LRRC37B: variants seen among roughly 807,000 people sequenced by gnomAD.
LRRC37B encodes leucine-rich repeat-containing protein 37B.
LRRC37B carries 28 observed loss-of-function variants against 98.3 expected under a neutral mutation model. The ratio of observed to expected loss-of-function variants is 0.28; its 90% CI spans 0.21 to 0.39. LRRC37B has a LOEUF of 0.39. Among genes scored for constraint, LRRC37B ranks in the 10% least tolerant of loss-of-function variants. LRRC37B has a pLI of 1.00. For missense variants in LRRC37B, 938 were observed against 1,182.7 expected (o/e 0.79, Z 3.03); for synonymous variants, 364 against 442.7 (o/e 0.82, Z 2.23).
intron 1 of LRRC37B, among the ~76,000 whole-genome samples, chr17:32,013,741 T>G (rs1278836327): frequency 6.6e-6 from 1 of 152,094 alleles, no homozygotes; most frequent in Non-Finnish European, 1.5e-5. Flanking sequence ...TGTGTATCTA[T>G]ATACACTTTC....
intron 11 of LRRC37B, chr17:32,051,109 A>G (rs1911743521): frequency 6.6e-6 from 1 of 152,154 alleles, no homozygotes; most frequent in African/African-American, 2.4e-5. Flanking sequence ...GTCCATCTAC[A>G]ATGCCCTTAT....
At chr17:32,020,392 C>T (rs946453453), upstream of LRRC37B, among the ~76,000 whole-genome samples, 4 of 150,628 alleles carry the variant, frequency 2.7e-5, no homozygotes, top group African/African-American at 7.4e-5. Context: ...TGAAGGGTGG[C>T]GCTGTAACTT....
At chr17:32,045,375 C>G (rs1031470441) in intron 7 of LRRC37B, 1 of 251,506 alleles carries the variant, frequency 4.0e-6, no homozygotes, top group African/African-American at 2.2e-5. Flanking sequence ...TCTTAGAAGT[C>G]TACCTTCTTC....
Position 32,047,854 on chromosome 17 carries a change from C to T in LRRC37B, c.2417C>T (p.Ser806Leu), listed in dbSNP as rs200220556. ...ATGAGCACTCAGCTGACTATTGAGT[C>T]GGAGGCGCCCTCAGACAGCAGTGGC... Residue 806 changes from serine (S) to leucine (L), a missense_variant, in exon 9 of 12, where the codon TCG (serine) becomes TTG (leucine). This residue lies in a region of LRRC37B where 328 missense variants were observed against 557.0 expected (regional missense o/e 0.59). Transcript: ENST00000327564. The T allele has an allele frequency of 4.5e-4, 729 of 1,614,096 alleles. No homozygotes were observed. The highest frequency in any genetic ancestry group is 8.0e-4 in the Admixed American group (48 of 60,020).
intron 7 of LRRC37B, chr17:32,036,266 G>GCTA (rs1000179219): frequency 1.3e-5 from 2 of 152,348 alleles, no homozygotes; most frequent in African/African-American, 4.8e-5. Context: ...CTCCCAAAGT[G>GCTA]CTAGGTGTGA....
chr17:32,048,969 G>C, intron 9 of LRRC37B, 133 bp from the exon 13 acceptor site: 1 of 1,505,078 alleles, frequency 6.6e-7, no homozygotes, highest in Non-Finnish European at 9.2e-7. Flanking sequence ...TCCTGAGGCA[G>C]TTTCCGCTGG....
intron 2 of LRRC37B, among the ~76,000 whole-genome samples, chr17:32,026,159 C>G (rs1355660462): frequency 6.6e-6 from 1 of 152,196 alleles, no homozygotes; most frequent in Non-Finnish European, 1.5e-5. Context: ...TTTTTCACAA[C>G]AGTTTGTGTC....
intron 1 of LRRC37B, among the ~76,000 whole-genome samples, chr17:32,011,390 G>C (rs1910523065): frequency 6.6e-6 from 1 of 152,020 alleles, no homozygotes; most frequent in African/African-American, 2.4e-5. Flanking sequence ...ATAGAGATGA[G>C]GTCTCACTAT....
exon 6 of LRRC37B, chr17:32,034,940 C>T (rs778672204): frequency 6.8e-6 from 11 of 1,611,652 alleles, no homozygotes; most frequent in African/African-American, 5.3e-5. Flanking sequence ...TGACTACTGT[C>T]GAAGATCCAT....
chr17:32,031,656 G>A (rs928480711), intron 5 of LRRC37B, among the ~76,000 whole-genome samples, 198 bp downstream of exon 8: 81 of 151,774 alleles, frequency 5.3e-4, no homozygotes, highest in Non-Finnish European at 2.1e-4. Flanking sequence ...TGCTCTGCTT[G>A]TCCTAGTTCT....
chr17:32,027,674 A>G (rs1156571924), intron 2 of LRRC37B, 95 bp from the exon 6 acceptor site: 3 of 1,129,204 alleles, frequency 2.7e-6, no homozygotes, highest in South Asian at 1.3e-5. Context: ...TGAAATGACC[A>G]TGACCCAGCT....
intron 7 of LRRC37B, chr17:32,040,106 A>T (rs1438519137): frequency 6.5e-6 from 1 of 153,772 alleles, no homozygotes; most frequent in African/African-American, 2.4e-5. Context: ...TGAGGAGTTT[A>T]CACATTTATC....
In LRRC37B at chr17:32,043,985, A is replaced by G. The variant is rs528224985; in HGVS notation, c.2205-1715A>G. Among the ~76,000 whole-genome samples, 25 of 151,692 alleles carry G rather than the reference A, an allele frequency of 1.6e-4. No individual in the cohort carries two copies. The South Asian group carries it at 4.2e-3, about 26-fold the overall frequency. On this transcript the variant is annotated intron_variant, in intron 7 of 11. Transcript: ENST00000327564. ...GGGATTCATTTAATCCTCAAAACTC[A>G]TTTGAGGTAGGTACTATTATAATGA...
intron 11 of LRRC37B, chr17:32,051,696 G>A (rs1911766454): frequency 6.6e-6 from 1 of 152,108 alleles, no homozygotes; most frequent in African/African-American, 2.4e-5. Flanking sequence ...GCGAGACCTT[G>A]TCTCAAAAAC....
At chr17:32,035,906 A>T (rs1344997463) in intron 7 of LRRC37B, 3 of 314,030 alleles carry the variant, frequency 9.6e-6, no homozygotes, top group Non-Finnish European at 1.8e-5. Flanking sequence ...TTAGCTACTA[A>T]TCTGATTTCT....
intron 7 of LRRC37B, among the ~76,000 whole-genome samples, chr17:32,038,687 A>G (rs1006832727): frequency 2.6e-5 from 4 of 152,044 alleles, no homozygotes; most frequent in South Asian, 2.1e-4. Flanking sequence ...CAAAACCCCA[A>G]TCTCCACTAA....
chr17:32,037,300 A>G (rs1350561606), intron 7 of LRRC37B, among the ~76,000 whole-genome samples: 3 of 150,550 alleles, frequency 2.0e-5, no homozygotes, highest in Non-Finnish European at 4.4e-5. Context: ...TTTTTTTGAG[A>G]CAGAGTCATT....
intron 8 of LRRC37B, 70 bp downstream of exon 11, chr17:32,045,888 AATTG>A (rs753673042): frequency 1.1e-4 from 168 of 1,463,006 alleles, no homozygotes; most frequent in Admixed American, 1.7e-4. Flanking sequence ...TTTTATTTTT[AATTG>A]ATGAAATTTT....
intron 11 of LRRC37B, 152 bp from the exon 15 acceptor site, chr17:32,053,114 T>A: frequency 1.5e-6 from 1 of 653,478 alleles, no homozygotes; most frequent in East Asian, 2.9e-5. Context: ...TGTGGAAGAA[T>A]CAAAGCACTG....
Sources: allele counts gnomAD v4.1 joint callset (sites outside exome capture counted in the v4.1 genomes callset), GRCh38; gene constraint gnomAD v4.1.1; regional missense constraint gnomAD v4.1.1; transcripts MANE v1.5; gene names NCBI Gene and HGNC (gene_info 2026-07-23, HGNC 2026-07-21).